The following FLG variants were observed in gnomAD, a reference collection of about 807,000 sequenced individuals.
FLG encodes epidermal filaggrin.
FLG carries 6 observed loss-of-function variants against 3.8 expected under a neutral mutation model. The observed-to-expected ratio is 1.60, with a 90% CI of 0.87 to 3.15. The LOEUF is 3.15. Among genes scored for constraint, FLG ranks in the 30% most tolerant of loss-of-function variants. FLG has a pLI of 0.00. For missense variants in FLG, 7,595 were observed against 5,050.9 expected, an observed-to-expected ratio of 1.50 and a Z score of -15.27; for synonymous variants, 2,551 against 1,931.6, an observed-to-expected ratio of 1.32 and a Z score of -8.41.
In FLG at chr1:152,302,590, C is replaced by T. The variant is rs528337607; in HGVS notation, c.*110G>A. ...ATGAAATACTATAGCATATTTTAAA[C>T]AGATTGACAGGAAAAGATAACTTCC... On this transcript the variant is annotated 3_prime_UTR_variant, in exon 3 of 3. Transcript: ENST00000368799. 7.1e-7 allele frequency: 1 copy of T among 1,404,076 alleles called. No homozygotes were observed. Among genetic ancestry groups the T allele is most frequent in the Non-Finnish European group, 9.6e-7 (1 of 1,038,316 alleles). The allele number at this position is 1,404,076 out of a possible 1,614,324, so 87.0% of individuals were successfully genotyped here.
intron 1 of FLG, among the ~76,000 whole-genome samples, chr1:152,322,310 G>A (rs910446962): frequency 6.6e-6 from 1 of 150,930 alleles, no homozygotes; most frequent in Non-Finnish European, 1.5e-5. Flanking sequence ...AGAGTAATTG[G>A]AAAAGAAGTA....
In FLG at chr1:152,313,553, G is replaced by T. The variant is rs141885805; in HGVS notation, c.1333C>A (p.Leu445Met). The T allele has an allele frequency of 6.2e-7, 1 of 1,613,456 alleles. No homozygotes were observed. The highest frequency in any genetic ancestry group is 1.1e-5 in the South Asian group (1 of 91,018). The change falls in exon 3 of 3, where the codon CTG (leucine) becomes ATG (methionine). Residue 445 changes from leucine to methionine, a missense_variant. Transcript: ENST00000368799. ...GACTCTTGGTGGCTCTGCTGTCTCA[G>T]CCCAGCCTTTCCGTGGCCTGACACT... ...QSVSGHGKAG[L>M]RQQSHQESTR...
At chr1:152,321,360 A>C (rs1225357437) in intron 1 of FLG, among the ~76,000 whole-genome samples, 1 of 151,104 alleles carries the variant, frequency 6.6e-6, no homozygotes, top group Non-Finnish European at 1.5e-5. Flanking sequence ...AAGAGAAAGA[A>C]AATTTAGAGA....
Position 152,312,176 on chromosome 1 carries a change from C to G in FLG, c.2710G>C (p.Asp904His), listed in dbSNP as rs760908499. Residue 904 changes from aspartate to histidine, a missense_variant, in exon 3 of 3, where the codon GAC becomes CAC. Coordinates refer to ENST00000368799, the MANE Select transcript of FLG (RefSeq NM_002016.2). ...RTTRNEEQSR[D>H]GSRHSGSRHH... ...CGTGACCCTGAGTGCCTGGAGCCGT[C>G]TCTTGATTGTTCCTCATTACGTGTT... 6.2e-7 allele frequency: 1 copy of G among 1,614,012 alleles called. No individual in the cohort carries two copies. Among genetic ancestry groups the G allele is most frequent in the Admixed American group, 1.7e-5 (1 of 60,000 alleles).
rs752974777 is a variant in FLG at position 152,302,660 on chromosome 1, A to G, written c.*40T>C. 18 of 1,609,266 alleles carry G rather than the reference A, an allele frequency of 1.1e-5. No homozygotes were observed. Among genetic ancestry groups the G allele is most frequent in the Non-Finnish European group, 1.4e-5 (16 of 1,177,966 alleles). ...TCTTGATTGAAAGTGAACTTGCTTC[A>G]TTCTTCTATTCTTGGATTAATTCCT... On this transcript the variant is annotated 3_prime_UTR_variant, in exon 3 of 3. Coordinates refer to ENST00000368799, the MANE Select transcript of FLG (RefSeq NM_002016.2).
In FLG at chr1:152,313,852, C is replaced by G. The variant is rs766226914; in HGVS notation, c.1034G>C (p.Ser345Thr). 1.2e-6 allele frequency: 2 copies of G among 1,614,174 alleles called. No individual in the cohort carries two copies. Among genetic ancestry groups the G allele is most frequent in the Admixed American group, 1.7e-5 (1 of 60,020 alleles). Residue 345 changes from serine to threonine, a missense_variant, in exon 3 of 3, where the codon AGT becomes ACT. By Grantham distance (58) the Ser-to-Thr change is moderately conservative. Transcript: ENST00000368799. ...GGAGCTGTCTGCAGAGTGCCCATGACTGGCTCTGTCTTCATCATGGGACCT... is the reference window on the plus strand; with the variant it reads ...GGAGCTGTCTGCAGAGTGCCCATGAGTGGCTCTGTCTTCATCATGGGACCT... ...HPRSHDEDRA[S>T]HGHSADSSRQ...
At chr1:152,322,996 G>A (rs1415691693) in intron 1 of FLG, among the ~76,000 whole-genome samples, 1 of 151,294 alleles carries the variant, frequency 6.6e-6, no homozygotes, top group African/African-American at 2.4e-5. Context: ...AGAAAATATG[G>A]CATGATGCAA....
chr1:152,303,114 G>A lies in FLG; in HGVS notation c.11772C>T (p.Thr3924=), dbSNP rs957445468. ...QSSPVQSDSS[T]AKEHGHFSSL... ...TACTAAAGTGACCATGTTCCTTAGC[G>A]GTACTAGAGTCTGACTGTACAGGTG... Residue 3924 remains threonine, a synonymous_variant, in exon 3 of 3, where the codon ACC becomes ACT. Transcript: ENST00000368799. 4.3e-6 allele frequency: 7 copies of A among 1,614,030 alleles called. No homozygotes were observed. Among genetic ancestry groups the A allele is most frequent in the Non-Finnish European group, 4.2e-6 (5 of 1,180,040 alleles).
At position 152,303,134 on chromosome 1, in the gene FLG, C is replaced by T. The variant is rs1207800349; in HGVS notation, c.11752G>A (p.Val3918Ile). ...TTAGCGGTACTAGAGTCTGACTGTA[C>T]AGGTGAAGACTGTACATGACTGGCT... Reference protein sequence around the residue: ...DTASHVQSSPVQSDSSTAKEH... With the variant: ...DTASHVQSSPIQSDSSTAKEH... Residue 3918 changes from valine to isoleucine, a missense_variant, in exon 3 of 3, where the codon GTA becomes ATA. Coordinates refer to ENST00000368799, the MANE Select transcript of FLG (RefSeq NM_002016.2). 1 of 1,614,188 alleles carries T rather than the reference C, an allele frequency of 6.2e-7. No homozygotes were observed. Among genetic ancestry groups the T allele is most frequent in the Non-Finnish European group, 8.5e-7 (1 of 1,180,038 alleles).
Position 152,309,056 on chromosome 1 carries a change from C to A in FLG, c.5830G>T (p.Gly1944Ter). 6.2e-7 allele frequency: 1 copy of A among 1,614,150 alleles called. No individual in the cohort carries two copies. The part of the protein sequence containing the change: ...WSGSASRNHL[G>*]SAWEQSRDGS... ...TCTCTTGACTGCTCCCAAGCAGATCCAAGATGGTTTCTGGAAGCAGACCCA... is the reference window on the plus strand; with the variant it reads ...TCTCTTGACTGCTCCCAAGCAGATCAAAGATGGTTTCTGGAAGCAGACCCA... Residue 1944 changes from glycine (G) to a stop codon, truncating the protein, a stop_gained, in exon 3 of 3, where the codon GGA (glycine) becomes TGA (stop). Transcript: ENST00000368799. LOFTEE classifies it low-confidence loss of function (END_TRUNC).
In FLG at chr1:152,307,358, A is replaced by G. The variant is rs574926550; in HGVS notation, c.7528T>C (p.Ser2510Pro). 6.2e-7 allele frequency: 1 copy of G among 1,612,504 alleles called. No homozygotes were observed. The highest frequency in any genetic ancestry group is 8.5e-7 in the Non-Finnish European group (1 of 1,179,528). ...RSDASHGHSG[S>P]RSASRQTRND... The stretch of plus-strand genomic sequence containing the variant: ...CGAGTTTGTCTGCTTGCACTTCTGG[A>G]TCCTGAGTGCCCATGGGAGGCATCA... Residue 2510 changes from serine (S) to proline (P), a missense_variant, in exon 3 of 3, where the codon TCC (serine) becomes CCC (proline). Transcript: ENST00000368799.
rs1234311146 is a variant in FLG, at chr1:152,305,087, A to G, written c.9799T>C (p.Ser3267Pro). The change falls in exon 3 of 3, where the codon TCT becomes CCT. Residue 3267 changes from serine to proline, a missense_variant. Ser to Pro is a moderately conservative substitution (Grantham distance 74, BLOSUM62 -1). Coordinates refer to ENST00000368799, the MANE Select transcript of FLG (RefSeq NM_002016.2). ...HHEDRAGHGH[S>P]ADRSRQSGTR... is the part of the protein sequence containing the mutation. The stretch of plus-strand genomic sequence containing the variant: ...CCTGATTGTCTGGAGCGGTCTGCAG[A>G]GTGCCCGTGACCGGCTCTGTCTTCG... The G allele has an allele frequency of 6.2e-7, 1 of 1,613,826 alleles. No homozygotes were observed. The highest frequency in any genetic ancestry group is 1.1e-5 in the South Asian group (1 of 91,022).
chr1:152,311,499 A>G lies in FLG; in HGVS notation c.3387T>C (p.Ser1129=), dbSNP rs66831674. The G allele has an allele frequency of 0.22, 354,420 of 1,613,096 alleles. 51,982 individuals are homozygous for G. The highest frequency in any genetic ancestry group is 0.62 in the East Asian group (27,621 of 44,696). ...TGCTGGTCCTGGTCCGCCCATGGGC[A>G]GACTCAGACTGTTCATGAGTGCTCA... ...YQVSTHEQSE[S]AHGRTRTSTG... Residue 1129 remains serine (S), a synonymous_variant, in exon 3 of 3, where the codon TCT becomes TCC. Coordinates refer to ENST00000368799, the MANE Select transcript of FLG (RefSeq NM_002016.2).
Position 152,304,397 on chromosome 1 carries a change from C to A in FLG, c.10489G>T (p.Asp3497Tyr). 1.2e-6 allele frequency: 2 copies of A among 1,611,824 alleles called. No homozygotes were observed. The highest frequency in any genetic ancestry group is 8.5e-7 in the Non-Finnish European group (1 of 1,179,112). ...RQTRNDEQSG[D>Y]GSRHSWSHHH... ...TGCGACCATGAGTGCCTGGAGCCAT[C>A]TCCTGATTGTTCGTCATTACGAGTT... Residue 3497 changes from aspartate to tyrosine, a missense_variant, in exon 3 of 3, where the codon GAT becomes TAT. By Grantham distance (160) the Asp-to-Tyr change is radical. Coordinates refer to ENST00000368799, the MANE Select transcript of FLG (RefSeq NM_002016.2).
chr1:152,313,187 CA>C lies in FLG; in HGVS notation c.1698del (p.Ser566ArgfsTer232). Reference protein sequence around the residue: ...DASHGQSGSRSASRQTRNEEQ... With the variant: ...DASHGQSGSRXASRQTRNEEQ... ...TCCTCATTTCGTGTTTGTCTGCTTG[CA>C]CTTCTGGATCCTGACTGCCCATGGG... On this transcript the variant is annotated frameshift_variant, in exon 3 of 3. Transcript: ENST00000368799. LOFTEE classifies it low-confidence loss of function (END_TRUNC). The C allele has an allele frequency of 6.2e-7, 1 of 1,613,870 alleles. No homozygotes were observed. The highest frequency in any genetic ancestry group is 8.5e-7 in the Non-Finnish European group (1 of 1,180,004).
rs767367597 is a variant in FLG, at chr1:152,313,460, C to T, written c.1426G>A (p.Glu476Lys). The T allele has an allele frequency of 6.2e-7, 1 of 1,613,828 alleles. No homozygotes were observed. The highest frequency in any genetic ancestry group is 1.1e-5 in the South Asian group (1 of 91,044). The change falls in exon 3 of 3, where the codon GAA (glutamate) becomes AAA (lysine). Residue 476 changes from glutamate to lysine, a missense_variant. By Grantham distance (56) the Glu-to-Lys change is moderately conservative. Coordinates refer to ENST00000368799, the MANE Select transcript of FLG (RefSeq NM_002016.2). ...GSSLYQVSTH[E>K]QPDSAHGRTG... ...CGTCCATGGGCAGAGTCAGGCTGTTCATGAGTGCTCACCTGGTAGAGGGAA... is the reference window on the plus strand; with the variant it reads ...CGTCCATGGGCAGAGTCAGGCTGTTTATGAGTGCTCACCTGGTAGAGGGAA...
At chr1:152,318,874 A>C (rs987588084) in intron 1 of FLG, among the ~76,000 whole-genome samples, 4 of 151,896 alleles carry the variant, frequency 2.6e-5, no homozygotes, top group Non-Finnish European at 5.9e-5. Context: ...TATGTACATA[A>C]CTAAAATAAG....
Position 152,321,705 on chromosome 1 carries a change from A to G in FLG, c.-22+3484T>C, listed in dbSNP as rs960642022. Among the ~76,000 whole-genome samples the G allele has an allele frequency of 5.9e-5, 9 of 151,342 alleles. No individual in the cohort carries two copies. In the East Asian group the frequency reaches 1.7e-3, roughly 29 times the overall value. ...TCCAGTGGGGGAGAAACTGCAGGTC[A>G]GATGGCTTTACTGAATTCTATTCAA... On this transcript the variant is annotated intron_variant, in intron 1 of 2. Coordinates refer to ENST00000368799, the MANE Select transcript of FLG (RefSeq NM_002016.2).
Position 152,312,361 on chromosome 1 carries a change from C to G in FLG, c.2525G>C (p.Arg842Pro), listed in dbSNP as rs374217178. The G allele has an allele frequency of 4.3e-6, 7 of 1,611,488 alleles. No homozygotes were observed. Among genetic ancestry groups the G allele is most frequent in the Non-Finnish European group, 5.9e-6 (7 of 1,179,348 alleles). The change falls in exon 3 of 3, where the codon CGT (arginine) becomes CCT (proline). Residue 842 changes from arginine (R) to proline (P), a missense_variant. By Grantham distance (103) the Arg-to-Pro change is moderately radical (BLOSUM62 -2). Coordinates refer to ENST00000368799, the MANE Select transcript of FLG (RefSeq NM_002016.2). ...SASQDGQDTI[R>P]GHPGSSRRGR... is the part of the protein sequence containing the mutation. ...TCTTCTGCTTGACCCCGGGTGTCCA[C>G]GAATGGTGTCCTGACCATCTTGGGA...
Sources: gnomAD v4.1 joint callset for allele counts (sites outside exome capture counted in the v4.1 genomes callset) on GRCh38, gnomAD v4.1.1 for gene constraint, MANE v1.5 for transcripts, NCBI Gene and HGNC (gene_info 2026-07-23, HGNC 2026-07-21) for gene names.